PCDHGA4: variants seen among roughly 807,000 people sequenced by gnomAD.
PCDHGA4 encodes the protein protocadherin gamma-A4.
A neutral mutation model predicts 54.6 loss-of-function variants in PCDHGA4; 38 were observed. That is an observed-to-expected ratio of 0.70 (90% CI 0.54 to 0.91). The LOEUF is 0.91. Among genes scored for constraint, PCDHGA4 ranks in the 40% least tolerant of loss-of-function variants. The pLI, the probability that PCDHGA4 is intolerant of heterozygous loss-of-function variation, is 0.00. For missense variants in PCDHGA4, 1,298 were observed against 1,220.9 expected (o/e 1.06, Z -0.94); for synonymous variants, 511 against 512.9 (o/e 1.00, Z 0.05).
In PCDHGA4 at chr5:141,356,915, C is replaced by T. The variant is rs766171265; in HGVS notation, c.1808C>T (p.Ser603Phe). 7.4e-6 allele frequency: 12 copies of T among 1,614,206 alleles called. No homozygotes were observed. In the South Asian group the frequency reaches 1.1e-4, roughly 15 times the overall value. ...ILYPTFPTDG[S>F]TGVELAPRSA... ...TACCCCACCTTCCCTACTGATGGCT[C>T]CACTGGTGTGGAGCTGGCACCCCGC... Residue 603 changes from serine (S) to phenylalanine (F), a missense_variant, in exon 1 of 4, where the codon TCC (serine) becomes TTC (phenylalanine). By Grantham distance (155) the Ser-to-Phe change is radical. Transcript: ENST00000571252.
At chr5:141,392,771 A>G in intron 1 of PCDHGA4, 1 of 1,514,130 alleles carries the variant, frequency 6.6e-7, no homozygotes, top group Non-Finnish European at 8.8e-7. Flanking sequence ...AGACCCATTT[A>G]TGCACAGTGA....
chr5:141,455,448 C>T (rs1403500578), intron 1 of PCDHGA4, among the ~76,000 whole-genome samples: 1 of 152,112 alleles, frequency 6.6e-6, no homozygotes, highest in African/African-American at 2.4e-5. Context: ...CCATCTACCG[C>T]GGATACCAGC....
chr5:141,400,559 C>T (rs2150864766), intron 1 of PCDHGA4: 2 of 1,613,274 alleles, frequency 1.2e-6, no homozygotes, highest in Non-Finnish European at 1.7e-6. Flanking sequence ...TTTTCATTAC[C>T]CACCCAATTT....
chr5:141,401,394 T>C (rs1444370873), intron 1 of PCDHGA4, among the ~76,000 whole-genome samples: 1 of 152,158 alleles, frequency 6.6e-6, no homozygotes, highest in Non-Finnish European at 1.5e-5. Context: ...CTACATGTTA[T>C]GTGTATGAGA....
intron 1 of PCDHGA4, chr5:141,364,841 C>T: frequency 1.2e-6 from 2 of 1,613,988 alleles, no homozygotes. Flanking sequence ...CCGGAGTTAC[C>T]AGCTCAGCTC....
chr5:141,415,455 G>A (rs571718366), intron 1 of PCDHGA4: 2 of 1,614,186 alleles, frequency 1.2e-6, no homozygotes, highest in African/African-American at 1.3e-5. Context: ...ATTCCCACGA[G>A]GTCTCTCTCA....
chr5:141,482,752 T>C (rs1361016909), intron 1 of PCDHGA4, among the ~76,000 whole-genome samples: 1 of 127,096 alleles, frequency 7.9e-6, no homozygotes, highest in Non-Finnish European at 1.6e-5. Context: ...AGAGGGATTA[T>C]GGTATTTCAT....
In PCDHGA4 at chr5:141,431,932, C is replaced by A; in HGVS notation, c.2515-62875C>A. 1 of 1,614,172 alleles carries A rather than the reference C, an allele frequency of 6.2e-7. No homozygotes were observed. Among genetic ancestry groups the A allele is most frequent in the Non-Finnish European group, 8.5e-7 (1 of 1,180,002 alleles). The stretch of plus-strand genomic sequence containing the variant: ...TCTGTTTCATCCAAGGAAATCTGCC[C>A]TTTAAATTAGAAAAATCTTACGGAA... On this transcript the variant is annotated intron_variant, in intron 1 of 3. Transcript: ENST00000571252. The surrounding 1 kb of genome is among the most constrained non-coding windows in gnomAD (Gnocchi z 4.8).
intron 1 of PCDHGA4, chr5:141,372,091 C>T (rs767361394): frequency 1.2e-6 from 2 of 1,613,774 alleles, no homozygotes; most frequent in South Asian, 2.2e-5. Flanking sequence ...CTGTACCCAG[C>T]TCTGGGGCCC....
At chr5:141,428,727 A>G (rs1348450181) in intron 1 of PCDHGA4, 1 of 160,588 alleles carries the variant, frequency 6.2e-6, no homozygotes, top group Non-Finnish European at 1.4e-5. Context: ...AAAATCTTAA[A>G]CATATTATAT....
chr5:141,472,980 C>CAAAAAAAAAAAAAAAAAAGAAAAAAAA (rs60579131), intron 1 of PCDHGA4, among the ~76,000 whole-genome samples: 1 of 86,106 alleles, frequency 1.2e-5, no homozygotes, highest in Non-Finnish European at 2.5e-5. Flanking sequence ...GAGTGAAACT[C>CAAAAAAAAAAAAAAAAAAGAAAAAAAA]AAAAAAAAAA....
intron 1 of PCDHGA4, chr5:141,399,413 C>T (rs1456440098): frequency 2.5e-5 from 41 of 1,613,930 alleles, no homozygotes; most frequent in Non-Finnish European, 3.2e-5. Context: ...CCGCCCCTCT[C>T]CTCCAGCATA....
intron 1 of PCDHGA4, among the ~76,000 whole-genome samples, chr5:141,363,511 A>T (rs1323894017): frequency 6.6e-6 from 1 of 152,256 alleles, no homozygotes; most frequent in Non-Finnish European, 1.5e-5. Flanking sequence ...CATCCTCCAC[A>T]GTTACTATAC....
chr5:141,375,604 C>T lies in PCDHGA4; in HGVS notation c.2514+17983C>T, dbSNP rs1192028188. 7 of 1,614,112 alleles carry T rather than the reference C, an allele frequency of 4.3e-6. No homozygotes were observed. The African/African-American group carries it at 9.3e-5, about 22-fold the overall frequency. On this transcript the variant is annotated intron_variant, in intron 1 of 3. Coordinates refer to ENST00000571252, the MANE Select transcript of PCDHGA4 (RefSeq NM_018917.4). ...CGCCCCTGTCCTCCTACGTGTCCAT[C>T]AACTCCGACACTGGGATTCTGTACG...
chr5:141,368,109 C>T (rs1489519335), intron 1 of PCDHGA4, among the ~76,000 whole-genome samples: 2 of 152,118 alleles, frequency 1.3e-5, no homozygotes, highest in Non-Finnish European at 2.9e-5. Context: ...TCAGATGTTT[C>T]TTATTAAAAT....
intron 1 of PCDHGA4, among the ~76,000 whole-genome samples, chr5:141,429,527 T>TA (rs1321273157): frequency 1.3e-5 from 2 of 152,038 alleles, no homozygotes; most frequent in African/African-American, 4.8e-5. Flanking sequence ...GAAAAAAGCT[T>TA]AAAAAAATAA....
intron 1 of PCDHGA4, chr5:141,364,162 G>T (rs1431333863): frequency 1.5e-6 from 1 of 667,104 alleles, no homozygotes; most frequent in Non-Finnish European, 2.2e-6. Context: ...CCGCAGAGGC[G>T]ACCCGACTCT....
Position 141,357,535 on chromosome 5 carries a change from C to T in PCDHGA4, c.2428C>T (p.Leu810Phe). 3.7e-6 allele frequency: 6 copies of T among 1,614,210 alleles called. No homozygotes were observed. The highest frequency in any genetic ancestry group is 5.1e-6 in the Non-Finnish European group (6 of 1,180,050). ...CTCCCAACCCAGCTATGCAGACACG[C>T]TCATCAGCCGGGAGAGTTGTGAGAA... ...IFSQPSYADT[L>F]ISRESCEKSE... Residue 810 changes from leucine (L) to phenylalanine (F), a missense_variant, in exon 1 of 4, where the codon CTC becomes TTC. By Grantham distance (22) the Leu-to-Phe change is conservative. Transcript: ENST00000571252.
chr5:141,422,968 C>T lies in PCDHGA4; in HGVS notation c.2514+65347C>T. 6.2e-7 allele frequency: 1 copy of T among 1,614,240 alleles called. No homozygotes were observed. Among genetic ancestry groups the T allele is most frequent in the South Asian group, 1.1e-5 (1 of 91,086 alleles). On this transcript the variant is annotated intron_variant, in intron 1 of 3. Coordinates refer to ENST00000571252, the MANE Select transcript of PCDHGA4 (RefSeq NM_018917.4). ...CTCCACTGGCGTGGAGCTGGCGCCC[C>T]GCTCTGCGGAACCTGGCTACCTGGT...
Sources: gnomAD v4.1 joint callset for allele counts (sites outside exome capture counted in the v4.1 genomes callset) on GRCh38, gnomAD v4.1.1 for gene constraint, Gnocchi (gnomAD v3.1) non-coding constraint, MANE v1.5 for transcripts, NCBI Gene and HGNC (gene_info 2026-07-23, HGNC 2026-07-21) for gene names.